The following IPMK variants were observed in gnomAD, a reference collection of about 807,000 sequenced individuals.
IPMK encodes inositol 1,3,4,6-tetrakisphosphate 5-kinase.
IPMK carries 17 observed loss-of-function variants against 45.8 expected under a neutral mutation model. The observed-to-expected ratio is 0.37, with a 90% CI of 0.25 to 0.56. IPMK has a LOEUF of 0.56. IPMK is among the 20% of genes least tolerant of loss of function. The pLI is 0.79. For synonymous variants in IPMK, 180 were observed against 184.3 expected, an observed-to-expected ratio of 0.98 and a Z score of 0.19; for missense variants, 399 against 498.0, an observed-to-expected ratio of 0.80 and a Z score of 1.89.
intron 4 of IPMK, among the ~76,000 whole-genome samples, chr10:58,205,859 A>G (rs1028336945): frequency 3.4e-4 from 52 of 152,370 alleles, no homozygotes; most frequent in African/African-American, 1.2e-3. Context: ...AAATAACTAA[A>G]TAAAATGGTA....
chr10:58,199,204 G>T, intron 5 of IPMK, 36 bp downstream of exon 5: 1 of 1,298,556 alleles, frequency 7.7e-7, no homozygotes, highest in East Asian at 2.3e-5. Flanking sequence ...TCTTTTAACT[G>T]TTCAATCATA....
intron 1 of IPMK, among the ~76,000 whole-genome samples, chr10:58,246,921 T>C (rs1166099415): frequency 6.0e-5 from 9 of 150,818 alleles, no homozygotes; most frequent in Non-Finnish European, 8.8e-5. Flanking sequence ...AAAGGGCTAA[T>C]ATCCAGAATC....
intron 1 of IPMK, among the ~76,000 whole-genome samples, chr10:58,248,421 T>C (rs1044460348): frequency 6.6e-6 from 1 of 152,234 alleles, no homozygotes; most frequent in Non-Finnish European, 1.5e-5. Flanking sequence ...TTCTAAATTT[T>C]TTTGATACAT....
At chr10:58,231,972 G>T (rs1053996243) in intron 2 of IPMK, among the ~76,000 whole-genome samples, 8 of 152,254 alleles carry the variant, frequency 5.3e-5, no homozygotes, top group African/African-American at 1.4e-4. Flanking sequence ...AAAATAAAGG[G>T]ATGGAGGAGG....
chr10:58,212,006 A>C (rs1333297262), intron 4 of IPMK, among the ~76,000 whole-genome samples: 17 of 151,754 alleles, frequency 1.1e-4, no homozygotes, highest in Non-Finnish European at 2.9e-5. Flanking sequence ...TCCCCAACTA[A>C]ATTAGAATCT....
At chr10:58,205,153 G>A (rs1294050871) in intron 4 of IPMK, among the ~76,000 whole-genome samples, 1 of 152,112 alleles carries the variant, frequency 6.6e-6, no homozygotes, top group Non-Finnish European at 1.5e-5. Flanking sequence ...AGTAAATCTT[G>A]ATGAGTTTGG....
At chr10:58,247,957 TAC>T (rs1838826505) in intron 1 of IPMK, among the ~76,000 whole-genome samples, 1 of 152,216 alleles carries the variant, frequency 6.6e-6, no homozygotes, top group Non-Finnish European at 1.5e-5. Flanking sequence ...GCTCCACAGC[TAC>T]AGACTTTTTC....
intron 2 of IPMK, among the ~76,000 whole-genome samples, chr10:58,231,363 A>C (rs890010656): frequency 1.1e-4 from 16 of 152,172 alleles, no homozygotes; most frequent in African/African-American, 3.9e-4. Flanking sequence ...AGCAACCCCA[A>C]GACACATAAT....
At chr10:58,242,303 T>TA (rs201889312) in intron 1 of IPMK, among the ~76,000 whole-genome samples, 63 of 151,310 alleles carry the variant, frequency 4.2e-4, no homozygotes, top group African/African-American at 6.8e-4. Flanking sequence ...TAAAAATACA[T>TA]AAAAAAATTA....
intron 4 of IPMK, among the ~76,000 whole-genome samples, chr10:58,214,879 TCTC>T (rs1039384954): frequency 1.7e-4 from 26 of 152,178 alleles, no homozygotes; most frequent in African/African-American, 6.0e-4. Flanking sequence ...TCAACAAAAT[TCTC>T]CTCACCCTGT....
chr10:58,247,319 G>A (rs957641987), intron 1 of IPMK, among the ~76,000 whole-genome samples: 18 of 151,402 alleles, frequency 1.2e-4, no homozygotes, highest in African/African-American at 4.2e-4. Context: ...ATACCCAAAG[G>A]ATTATAAATC....
chr10:58,203,039 T>C (rs1838019621), intron 4 of IPMK, among the ~76,000 whole-genome samples: 3 of 152,158 alleles, frequency 2.0e-5, no homozygotes, highest in Non-Finnish European at 2.9e-5. Context: ...TTGAAAACCT[T>C]TTGGAAAGAA....
intron 3 of IPMK, among the ~76,000 whole-genome samples, chr10:58,225,427 T>C (rs1416323561): frequency 6.6e-6 from 1 of 152,140 alleles, no homozygotes; most frequent in Non-Finnish European, 1.5e-5. Flanking sequence ...ACTTCAAGAT[T>C]ATATAGTATT....
intron 2 of IPMK, among the ~76,000 whole-genome samples, chr10:58,229,823 C>T (rs1838483264): frequency 6.6e-6 from 1 of 152,116 alleles, no homozygotes; most frequent in African/African-American, 2.4e-5. Flanking sequence ...AACTGAGGTA[C>T]CTGGTTCACA....
chr10:58,220,228 A>G (rs1212935685), intron 3 of IPMK, among the ~76,000 whole-genome samples: 1 of 152,088 alleles, frequency 6.6e-6, no homozygotes, highest in African/African-American at 2.4e-5. Context: ...CAGAGGAGAG[A>G]AGAGGAAGGG....
At chr10:58,239,042 A>G (rs1261583203) in intron 1 of IPMK, among the ~76,000 whole-genome samples, 1 of 152,102 alleles carries the variant, frequency 6.6e-6, no homozygotes, top group East Asian at 1.9e-4. Context: ...CCAGCTACTC[A>G]GGAGAATGAG....
At chr10:58,207,592 T>G (rs1838089563) in intron 4 of IPMK, among the ~76,000 whole-genome samples, 3 of 152,226 alleles carry the variant, frequency 2.0e-5, no homozygotes. Flanking sequence ...GTTTCTTTGT[T>G]GACTTTCTGT....
intron 1 of IPMK, among the ~76,000 whole-genome samples, chr10:58,244,003 G>A (rs1382620875): frequency 1.3e-5 from 2 of 151,000 alleles, no homozygotes; most frequent in Non-Finnish European, 3.0e-5. Context: ...GGGAGGGGAA[G>A]GGCGTCTCTG....
intron 4 of IPMK, among the ~76,000 whole-genome samples, chr10:58,201,620 A>G (rs1258422533): frequency 6.6e-6 from 1 of 152,130 alleles, no homozygotes; most frequent in South Asian, 2.1e-4. Context: ...CCCTCCAATT[A>G]ATTAATTAAT....
Sources: allele counts gnomAD v4.1 joint callset (sites outside exome capture counted in the v4.1 genomes callset), GRCh38; gene constraint gnomAD v4.1.1; transcripts MANE v1.5; gene names NCBI Gene and HGNC (gene_info 2026-07-23, HGNC 2026-07-21).